Variants in KIAA1958 observed in about 807,000 individuals in gnomAD.
The protein encoded by KIAA1958 is KIAA1958.
A neutral mutation model predicts 47.2 loss-of-function variants in KIAA1958; 14 were observed. That is an observed-to-expected ratio of 0.30 (90% confidence interval 0.20 to 0.46). KIAA1958 has a LOEUF of 0.46. Among genes scored for constraint, KIAA1958 ranks in the 20% least tolerant of loss-of-function variants. The probability of loss-of-function intolerance (pLI) is 1.00; values close to 1 mark genes in which losing one functional copy is unlikely to be tolerated. For missense variants in KIAA1958, 803 were observed against 909.2 expected (o/e 0.88, Z 1.50); for synonymous variants, 354 against 353.3 (o/e 1.00, Z -0.02).
intron 1 of KIAA1958, among the ~76,000 whole-genome samples, chr9:112,541,579 A>C (rs1834944520): frequency 6.6e-6 from 1 of 152,092 alleles, no homozygotes; most frequent in African/African-American, 2.4e-5. Flanking sequence ...TGAGGTGGGC[A>C]GATCACCAGA....
intron 1 of KIAA1958, among the ~76,000 whole-genome samples, chr9:112,538,593 G>A (rs1342290833): frequency 6.6e-6 from 1 of 152,034 alleles, no homozygotes; most frequent in African/African-American, 2.4e-5. Context: ...ACTGATAAGG[G>A]GCACAATTTA....
chr9:112,574,461 G>A lies in KIAA1958; in HGVS notation c.381G>A (p.Glu127=). The A allele has an allele frequency of 6.2e-7, 1 of 1,614,164 alleles. No individual in the cohort carries two copies. The highest frequency in any genetic ancestry group is 8.5e-7 in the Non-Finnish European group (1 of 1,180,018). The change falls in exon 2 of 4, where the codon GAG becomes GAA. Residue 127 remains glutamate (E), a synonymous_variant. Transcript: ENST00000337530. The part of the protein sequence containing the change: ...RDSCDFSYCS[E]PSELDETVEE... ...CTTGTGACTTCTCCTACTGTAGTGA[G>A]CCCTCTGAACTGGATGAAACTGTTG... is the stretch of plus-strand genomic sequence containing the variant.
At chr9:112,564,175 C>T (rs1006267461) in intron 1 of KIAA1958, among the ~76,000 whole-genome samples, 2 of 152,086 alleles carry the variant, frequency 1.3e-5, no homozygotes, top group Non-Finnish European at 2.9e-5. Context: ...CTTTCTCTTC[C>T]CCCTATATTT....
intron 2 of KIAA1958, among the ~76,000 whole-genome samples, chr9:112,584,654 A>G (rs1317733306): frequency 6.6e-6 from 1 of 152,234 alleles, no homozygotes; most frequent in Non-Finnish European, 1.5e-5. Context: ...TGGAATAAAT[A>G]AAAAACACAA....
chr9:112,505,317 T>C (rs1384024001), intron 1 of KIAA1958, among the ~76,000 whole-genome samples: 3 of 152,216 alleles, frequency 2.0e-5, no homozygotes, highest in African/African-American at 4.8e-5. Context: ...CTGGCCCTTA[T>C]TAGTACATAA....
intron 2 of KIAA1958, chr9:112,619,084 GT>G (rs1311770233): frequency 1.7e-6 from 1 of 586,702 alleles, no homozygotes; most frequent in Non-Finnish European, 2.2e-6. Flanking sequence ...AGATAATTTA[GT>G]ATTACTAACA....
At chr9:112,518,626 G>A (rs1834481109) in intron 1 of KIAA1958, among the ~76,000 whole-genome samples, 1 of 152,144 alleles carries the variant, frequency 6.6e-6, no homozygotes, top group South Asian at 2.1e-4. Flanking sequence ...GGAGTGATGT[G>A]TATGTTCGTT....
rs191858618 is a variant in KIAA1958 at position 112,524,850 on chromosome 9, C to T, written c.-25+37732C>T. Among the ~76,000 whole-genome samples the T allele has an allele frequency of 2.9e-4, 44 of 152,318 alleles. No individual in the cohort carries two copies. The East Asian group carries it at 8.3e-3, about 29-fold the overall frequency. ...CCTGGGGTTGCTGGTTCACAGCGCC[C>T]TGATGCTTCCAAAGGAGTCAAGGCT... On this transcript the variant is annotated intron_variant, in intron 1 of 3. Coordinates refer to ENST00000337530, the MANE Select transcript of KIAA1958 (RefSeq NM_133465.4).
At position 112,600,586 on chromosome 9, in the gene KIAA1958, A is replaced by G. The variant is rs114027507; in HGVS notation, c.1171+25335A>G. On this transcript the variant is annotated intron_variant, in intron 2 of 3. Transcript: ENST00000337530. Reference sequence around the variant, plus strand: ...CAGAATTTTCAGCTTTATGGAATGGACGGTCTCCTAAAAGCTGTTTTAGAT... The same window carrying G: ...CAGAATTTTCAGCTTTATGGAATGGGCGGTCTCCTAAAAGCTGTTTTAGAT... Among the ~76,000 whole-genome samples the G allele has an allele frequency of 5.0e-3, 760 of 152,310 alleles. 6 individuals carry two copies. Among genetic ancestry groups the G allele is most frequent in the African/African-American group, 0.018 (728 of 41,578 alleles).
chr9:112,586,226 TAAATG>T (rs563995676), intron 2 of KIAA1958, among the ~76,000 whole-genome samples: 418 of 152,346 alleles, frequency 2.7e-3, no homozygotes, highest in Non-Finnish European at 4.5e-3. Context: ...GCCACTGTGA[TAAATG>T]AGAGGCAAAT....
chr9:112,616,545 ATACTTT>A (rs1836410573), intron 2 of KIAA1958, among the ~76,000 whole-genome samples: 1 of 152,244 alleles, frequency 6.6e-6, no homozygotes, highest in African/African-American at 2.4e-5. Context: ...GATAAACAAA[ATACTTT>A]TACTTTATAC....
intron 1 of KIAA1958, among the ~76,000 whole-genome samples, chr9:112,518,557 G>GTGGT (rs1328720480): frequency 1.3e-5 from 2 of 152,158 alleles, no homozygotes; most frequent in Non-Finnish European, 2.9e-5. Context: ...TGCCTTAAGA[G>GTGGT]TGGTTGTGAG....
chr9:112,584,562 C>T (rs571806429), intron 2 of KIAA1958, among the ~76,000 whole-genome samples: 1 of 152,292 alleles, frequency 6.6e-6, no homozygotes, highest in East Asian at 1.9e-4. Flanking sequence ...GAATTATCCT[C>T]ACAAATTTTA....
intron 1 of KIAA1958, among the ~76,000 whole-genome samples, chr9:112,495,034 T>G (rs566872882): frequency 6.6e-6 from 1 of 152,166 alleles, no homozygotes; most frequent in East Asian, 1.9e-4. Flanking sequence ...TTCACCCACC[T>G]CAGCTTCCCA....
intron 1 of KIAA1958, among the ~76,000 whole-genome samples, chr9:112,529,487 T>G (rs1275031276): frequency 6.6e-6 from 1 of 152,214 alleles, no homozygotes; most frequent in Non-Finnish European, 1.5e-5. Flanking sequence ...CTGTGGCAGT[T>G]TTTCAGACTT....
intron 2 of KIAA1958, among the ~76,000 whole-genome samples, chr9:112,591,612 G>A (rs1343386711): frequency 6.6e-6 from 1 of 151,808 alleles, no homozygotes; most frequent in East Asian, 1.9e-4. Flanking sequence ...GCAGCATGAG[G>A]CCAGATGTGG....
At chr9:112,655,223 T>G (rs982918924) in intron 3 of KIAA1958, among the ~76,000 whole-genome samples, 5 of 152,230 alleles carry the variant, frequency 3.3e-5, no homozygotes, top group Admixed American at 2.0e-4. Context: ...AAGTTCATAT[T>G]TTTGCTTTAA....
chr9:112,573,589 G>A (rs1835577246), intron 1 of KIAA1958, among the ~76,000 whole-genome samples: 2 of 152,058 alleles, frequency 1.3e-5, no homozygotes, highest in African/African-American at 4.8e-5. Context: ...CTCCTTTGTT[G>A]GCTCTGCCTC....
At chr9:112,624,784 T>A (rs922447358) in intron 2 of KIAA1958, among the ~76,000 whole-genome samples, 2 of 152,156 alleles carry the variant, frequency 1.3e-5, no homozygotes, top group Non-Finnish European at 2.9e-5. Context: ...GAGTCCCAGT[T>A]TGATTAGAAT....
Sources: gnomAD v4.1 joint callset for allele counts (sites outside exome capture counted in the v4.1 genomes callset) on GRCh38, gnomAD v4.1.1 for gene constraint, MANE v1.5 for transcripts, NCBI Gene and HGNC (gene_info 2026-07-23, HGNC 2026-07-21) for gene names.